The following HDAC9 variants were observed in gnomAD, a reference collection of about 807,000 sequenced individuals.
The protein encoded by HDAC9 is MEF-2 interacting transcription repressor (MITR) protein.
In HDAC9, 41 loss-of-function variants were observed where a neutral mutation model predicts 139.4. The ratio of observed to expected loss-of-function variants is 0.29; its 90% CI spans 0.23 to 0.38. The LOEUF is 0.38. Among genes scored for constraint, HDAC9 ranks in the 10% least tolerant of loss-of-function variants. HDAC9 has a pLI of 1.00. For synonymous variants in HDAC9, 517 were observed against 476.2 expected (o/e 1.09, Z -1.12); for missense variants, 1,147 against 1,297.0 (o/e 0.88, Z 1.78).
chr7:18,939,293 G>T (rs1781863467), intron 23 of HDAC9, among the ~76,000 whole-genome samples: 2 of 152,114 alleles, frequency 1.3e-5, no homozygotes, highest in African/African-American at 2.4e-5. Context: ...TACTTTAAGG[G>T]TAACAATGAA....
chr7:18,406,717 G>A (rs1184913590), intron 1 of HDAC9, among the ~76,000 whole-genome samples: 3 of 151,946 alleles, frequency 2.0e-5, no homozygotes, highest in East Asian at 1.9e-4. Context: ...ATACTTTTAC[G>A]TATAACTTTT....
chr7:18,328,197 G>A (rs1011294464), intron 1 of HDAC9, among the ~76,000 whole-genome samples: 6 of 151,820 alleles, frequency 4.0e-5, no homozygotes, highest in Non-Finnish European at 8.8e-5. Flanking sequence ...GTAATCTAAG[G>A]GTGATCACAG....
chr7:18,861,827 C>T (rs1798132543), intron 21 of HDAC9, among the ~76,000 whole-genome samples: 1 of 152,176 alleles, frequency 6.6e-6, no homozygotes, highest in Admixed American at 6.6e-5. Context: ...AAAGAATACA[C>T]TTTCTGGACC....
At chr7:18,978,369 G>C (rs1400053836) in intron 25 of HDAC9, among the ~76,000 whole-genome samples, 1 of 152,118 alleles carries the variant, frequency 6.6e-6, no homozygotes, top group Non-Finnish European at 1.5e-5. Flanking sequence ...ACCATTGTAA[G>C]TATTTTTTGT....
At chr7:18,324,112 T>C (rs533192292) in intron 1 of HDAC9, among the ~76,000 whole-genome samples, 1 of 152,088 alleles carries the variant, frequency 6.6e-6, no homozygotes, top group East Asian at 2.0e-4. Context: ...AACATATGAA[T>C]GCTGGGGGCA....
chr7:18,110,796 G>A (rs760750178), intron 1 of HDAC9, among the ~76,000 whole-genome samples: 1 of 152,094 alleles, frequency 6.6e-6, no homozygotes, highest in African/African-American at 2.4e-5. Context: ...CAGCCAACGG[G>A]GAGTCTAAAC....
chr7:18,775,694 T>G (rs949230956), intron 16 of HDAC9, among the ~76,000 whole-genome samples: 2 of 151,822 alleles, frequency 1.3e-5, no homozygotes, highest in African/African-American at 4.8e-5. Context: ...GTTTTTTTTT[T>G]TCCTTTTCAA....
intron 23 of HDAC9, among the ~76,000 whole-genome samples, chr7:18,945,852 C>T (rs1047654240): frequency 2.0e-5 from 3 of 151,756 alleles, no homozygotes; most frequent in East Asian, 2.0e-4. Context: ...TCCTAACCAA[C>T]ATGGTGAAAC....
At chr7:18,845,402 A>T (rs1484689989) in intron 21 of HDAC9, among the ~76,000 whole-genome samples, 2 of 152,282 alleles carry the variant, frequency 1.3e-5, no homozygotes, top group East Asian at 3.9e-4. Flanking sequence ...TGAAGGGCTT[A>T]TGTGGCCCAA....
At chr7:18,236,752 T>TG (rs2128187335) in intron 2 of HDAC9, among the ~76,000 whole-genome samples, 1 of 151,758 alleles carries the variant, frequency 6.6e-6, no homozygotes, top group African/African-American at 2.4e-5. Context: ...GCTGTGGGGG[T>TG]GGGGGCGACA....
At chr7:18,610,241 G>A (rs921924073) in intron 6 of HDAC9, among the ~76,000 whole-genome samples, 3 of 152,148 alleles carry the variant, frequency 2.0e-5, no homozygotes, top group African/African-American at 4.8e-5. Flanking sequence ...TAAAAAGTGG[G>A]AGGTGTTTGG....
chr7:18,701,547 G>A (rs148968893), intron 12 of HDAC9, among the ~76,000 whole-genome samples: 36 of 151,992 alleles, frequency 2.4e-4, no homozygotes, highest in South Asian at 4.2e-4. Flanking sequence ...GTTAATGTCC[G>A]TTAGATATAT....
At chr7:18,267,811 C>T (rs552195194) in intron 2 of HDAC9, among the ~76,000 whole-genome samples, 1 of 152,042 alleles carries the variant, frequency 6.6e-6, no homozygotes, top group South Asian at 2.1e-4. Flanking sequence ...GATACATACC[C>T]AGTAGTGGGA....
At chr7:18,138,542 G>GTGTGTT (rs936488116) in intron 1 of HDAC9, among the ~76,000 whole-genome samples, 1 of 141,774 alleles carries the variant, frequency 7.1e-6, no homozygotes, top group African/African-American at 3.1e-5. Flanking sequence ...GTGTGTGTGT[G>GTGTGTT]TGTGTGTGTG....
chr7:18,173,551 C>T (rs946011911), intron 2 of HDAC9, among the ~76,000 whole-genome samples: 9 of 152,136 alleles, frequency 5.9e-5, no homozygotes, highest in South Asian at 2.1e-4. Flanking sequence ...CTAGCATTGA[C>T]GGTCTTTACA....
intron 2 of HDAC9, among the ~76,000 whole-genome samples, chr7:18,225,192 A>G (rs1242182929): frequency 6.6e-6 from 1 of 152,228 alleles, no homozygotes; most frequent in Non-Finnish European, 1.5e-5. Flanking sequence ...CAGAACTGGA[A>G]GATTTCTGCT....
chr7:18,660,416 C>T (rs1792745885), intron 11 of HDAC9, among the ~76,000 whole-genome samples: 1 of 152,202 alleles, frequency 6.6e-6, no homozygotes, highest in East Asian at 1.9e-4. Flanking sequence ...TAGACATTGA[C>T]TTTGTTTTGT....
At chr7:18,778,919 T>C (rs1442032665) in intron 16 of HDAC9, among the ~76,000 whole-genome samples, 2 of 152,004 alleles carry the variant, frequency 1.3e-5, no homozygotes, top group African/African-American at 4.8e-5. Flanking sequence ...TACCGGGAGA[T>C]GGTTTGTGGT....
chr7:18,748,323 A>G (rs1375823609), intron 13 of HDAC9, among the ~76,000 whole-genome samples: 2 of 152,222 alleles, frequency 1.3e-5, no homozygotes, highest in Admixed American at 6.5e-5. Context: ...TAGTATCTGT[A>G]TAATCTCTAG....
Sources: gnomAD v4.1 joint callset for allele counts (sites outside exome capture counted in the v4.1 genomes callset) on GRCh38, gnomAD v4.1.1 for gene constraint, MANE v1.5 for transcripts, NCBI Gene and HGNC (gene_info 2026-07-23, HGNC 2026-07-21) for gene names.